The following SLC24A1 variants were observed in gnomAD, a reference collection of about 807,000 sequenced individuals.
SLC24A1 encodes the protein sodium/potassium/calcium exchanger 1.
SLC24A1 carries 52 observed loss-of-function variants against 88.1 expected under a neutral mutation model. The ratio of observed to expected loss-of-function variants is 0.59; its 90% CI spans 0.47 to 0.74. The LOEUF is 0.74. Ranked by LOEUF, SLC24A1 falls within the 30% of genes least tolerant of loss-of-function variation. The probability of loss-of-function intolerance (pLI) is 0.00; values close to 1 mark genes in which losing one functional copy is unlikely to be tolerated. For synonymous variants in SLC24A1, 455 were observed against 498.0 expected (o/e 0.91, Z 1.15); for missense variants, 1,173 against 1,363.3 (o/e 0.86, Z 2.20).
At chr15:65,613,480 T>TTGTGTGTGTGTG (rs35141100) in intron 2 of SLC24A1, among the ~76,000 whole-genome samples, 74 of 149,114 alleles carry the variant, frequency 5.0e-4, no homozygotes, top group African/African-American at 1.3e-3. Flanking sequence ...CAGGGTGATT[T>TTGTGTGTGTGTG]TGTGTGTGTG....
chr15:65,657,363 C>G (rs548664729), downstream of SLC24A1, among the ~76,000 whole-genome samples: 1 of 151,822 alleles, frequency 6.6e-6, no homozygotes, highest in Admixed American at 6.6e-5. Flanking sequence ...GGAAAAGGGC[C>G]GGGCGCGGTG....
At position 65,652,268 on chromosome 15, in the gene SLC24A1, C is replaced by T. The variant is rs143333789; in HGVS notation, c.2884-374C>T. On this transcript the variant is annotated intron_variant, in intron 8 of 9. Transcript: ENST00000261892. ...TCACCTCCAGCCTCTTAGTTCCTGG[C>T]ACACAGCAAGTGTCCACATTCCTGG... The T allele has an allele frequency of 6.0e-5, 17 of 283,646 alleles. No homozygotes were observed. The East Asian group carries it at 1.5e-3, about 25-fold the overall frequency. 17.6% of individuals were successfully genotyped at this position (283,646 alleles called of 1,614,324 possible).
chr15:65,624,785 C>T lies in SLC24A1; in HGVS notation c.705C>T (p.Asn235=), dbSNP rs565538631. The T allele has an allele frequency of 6.2e-7, 1 of 1,614,014 alleles. No individual in the cohort carries two copies. The highest frequency in any genetic ancestry group is 8.5e-7 in the Non-Finnish European group (1 of 1,179,874). The stretch of plus-strand genomic sequence containing the variant: ...CAACCTATAAAATACTCGAAACCAA[C>T]TCTCTTAAGAGAATAATGGAGGAAA... The part of the protein sequence containing the change: ...ITATYKILET[N]SLKRIMEETT... The change falls in exon 2 of 10, where the codon AAC becomes AAT. Residue 235 remains asparagine, a synonymous_variant. Coordinates refer to ENST00000261892, the MANE Select transcript of SLC24A1 (RefSeq NM_004727.3).
upstream of SLC24A1, chr15:65,611,363 T>G: frequency 1.7e-6 from 1 of 604,978 alleles, no homozygotes; most frequent in Non-Finnish European, 2.9e-6. Flanking sequence ...AATCCCCAAC[T>G]TCTCTCGAGC....
intron 5 of SLC24A1, 32 bp downstream of exon 5, chr15:65,644,545 C>A: frequency 6.9e-7 from 1 of 1,456,062 alleles, no homozygotes; most frequent in Non-Finnish European, 9.4e-7. Flanking sequence ...TGGGTTTTCT[C>A]CTGCCCCCCT....
upstream of SLC24A1, among the ~76,000 whole-genome samples, chr15:65,617,530 C>T (rs1031975251): frequency 6.6e-6 from 1 of 152,104 alleles, no homozygotes; most frequent in Non-Finnish European, 1.5e-5. Context: ...CTCTGTTTGT[C>T]TGTTAATGGT....
At chr15:65,619,155 A>C (rs2074240881), upstream of SLC24A1, among the ~76,000 whole-genome samples, 1 of 152,246 alleles carries the variant, frequency 6.6e-6, no homozygotes, top group South Asian at 2.1e-4. Context: ...TACAGGTTGG[A>C]CAGATCAAAG....
chr15:65,642,946 G>T (rs755690614), intron 4 of SLC24A1: 1 of 1,229,118 alleles, frequency 8.1e-7, no homozygotes, highest in South Asian at 1.3e-5. Flanking sequence ...TGATCTCCAG[G>T]GTTCCTTCTA....
At chr15:65,648,354 T>A (rs746046409) in intron 6 of SLC24A1, among the ~76,000 whole-genome samples, 13 of 152,214 alleles carry the variant, frequency 8.5e-5, no homozygotes, top group Non-Finnish European at 1.6e-4. Context: ...ATGACATTTG[T>A]TACAGACAAC....
downstream of SLC24A1, among the ~76,000 whole-genome samples, chr15:65,657,412 T>TGG (rs2075718098): frequency 6.6e-6 from 1 of 151,542 alleles, no homozygotes; most frequent in African/African-American, 2.4e-5. Context: ...GAGGCCAAGG[T>TGG]GGGCGGATCA....
At chr15:65,615,853 T>C (rs1300123625) in intron 2 of SLC24A1, among the ~76,000 whole-genome samples, 1 of 151,462 alleles carries the variant, frequency 6.6e-6, no homozygotes. Context: ...ACATTAGTTA[T>C]TTCTCCTAAT....
intron 6 of SLC24A1, among the ~76,000 whole-genome samples, chr15:65,649,508 C>G (rs2075422914): frequency 6.6e-6 from 1 of 152,162 alleles, no homozygotes; most frequent in Non-Finnish European, 1.5e-5. Context: ...CTTGGTGGAC[C>G]ACCCATATTC....
At chr15:65,630,367 G>A (rs2074673833) in intron 2 of SLC24A1, among the ~76,000 whole-genome samples, 1 of 152,144 alleles carries the variant, frequency 6.6e-6, no homozygotes, top group South Asian at 2.1e-4. Context: ...TTAGGGGCTG[G>A]TCCTCCCTTT....
At chr15:65,631,226 T>C (rs1296696772) in intron 2 of SLC24A1, among the ~76,000 whole-genome samples, 1 of 152,208 alleles carries the variant, frequency 6.6e-6, no homozygotes, top group Non-Finnish European at 1.5e-5. Context: ...GGATTCAATA[T>C]GAAATTAGAT....
intron 1 of SLC24A1, among the ~76,000 whole-genome samples, chr15:65,622,820 C>T (rs994556819): frequency 1.3e-5 from 2 of 151,866 alleles, no homozygotes; most frequent in African/African-American, 4.8e-5. Context: ...CAACTCACTG[C>T]AACCTCTGCC....
chr15:65,659,123 T>C (rs2141770948), downstream of SLC24A1: 1 of 152,238 alleles, frequency 6.6e-6, no homozygotes, highest in Middle Eastern at 3.4e-3. Context: ...GTAAACAAGC[T>C]ACATCAGCAC....
chr15:65,660,503 AACACACAC>A, downstream of SLC24A1: 1 of 504,594 alleles, frequency 2.0e-6, no homozygotes, highest in Non-Finnish European at 3.5e-6. Context: ...AATGTGTGCA[AACACACAC>A]ACATATTGAA....
At chr15:65,649,118 C>G (rs376951780) in intron 6 of SLC24A1, among the ~76,000 whole-genome samples, 1 of 151,780 alleles carries the variant, frequency 6.6e-6, no homozygotes, top group Non-Finnish European at 1.5e-5. Context: ...TCTTTTTTCT[C>G]TTTGAGACAG....
At chr15:65,646,429 A>C in intron 6 of SLC24A1, among the ~76,000 whole-genome samples, 1 of 151,512 alleles carries the variant, frequency 6.6e-6, no homozygotes, top group East Asian at 2.0e-4. Flanking sequence ...TTCTCTCCCT[A>C]GAATGCCTTT....
Sources: allele counts gnomAD v4.1 joint callset (sites outside exome capture counted in the v4.1 genomes callset), GRCh38; gene constraint gnomAD v4.1.1; transcripts MANE v1.5; gene names NCBI Gene and HGNC (gene_info 2026-07-23, HGNC 2026-07-21).